Variants in UBE2E2 observed in about 807,000 individuals in gnomAD.
The protein encoded by UBE2E2 is ubiquitin-conjugating enzyme E2 E2.
UBE2E2 carries 6 observed loss-of-function variants against 24.7 expected under a neutral mutation model. The ratio of observed to expected loss-of-function variants is 0.24; its 90% CI spans 0.13 to 0.48. The LOEUF (loss-of-function observed/expected upper bound fraction) is 0.48. Among genes scored for constraint, UBE2E2 ranks in the 20% least tolerant of loss-of-function variants. The pLI is 0.99. For synonymous variants in UBE2E2, 104 were observed against 83.6 expected (o/e 1.24, Z -1.33); for missense variants, 169 against 245.0 (o/e 0.69, Z 2.07).
chr3:23,318,162 A>T (rs537909597), intron 3 of UBE2E2, among the ~76,000 whole-genome samples: 14 of 151,914 alleles, frequency 9.2e-5, no homozygotes, highest in Admixed American at 2.0e-4. Flanking sequence ...TTTTAAAAAA[A>T]TTTTTTTTAT....
At chr3:23,337,562 C>T (rs1362091693) in intron 3 of UBE2E2, among the ~76,000 whole-genome samples, 1 of 152,136 alleles carries the variant, frequency 6.6e-6, no homozygotes, top group Admixed American at 6.5e-5. Context: ...CTAACCCAGA[C>T]TGGGAGTTCA....
intron 5 of UBE2E2, among the ~76,000 whole-genome samples, chr3:23,574,720 C>G (rs1696307434): frequency 6.6e-6 from 1 of 152,112 alleles, no homozygotes; most frequent in Non-Finnish European, 1.5e-5. Flanking sequence ...ATGATGAGAC[C>G]TTGTCCCTAA....
chr3:23,578,263 T>A (rs985375259), intron 5 of UBE2E2, among the ~76,000 whole-genome samples: 2 of 152,146 alleles, frequency 1.3e-5, no homozygotes, highest in Admixed American at 1.3e-4. Context: ...ATGTCTATTA[T>A]TAACAAGTCA....
Position 23,585,352 on chromosome 3 carries a change from C to T in UBE2E2, c.509-4382C>T, listed in dbSNP as rs1048941567. Among the ~76,000 whole-genome samples, 8 of 121,122 alleles carry T rather than the reference C, an allele frequency of 6.6e-5. 1 individual carries two copies. The highest frequency in any genetic ancestry group is 2.0e-4 in the Admixed American group (2 of 9,868). 79.5% of individuals were successfully genotyped at this position (121,122 alleles called of 152,430 possible). ...CACCACTGCACTCCAGCCAGGGCAA[C>T]AGAGTGAGACCCTGTCTCAAAAAAA... On this transcript the variant is annotated intron_variant, in intron 5 of 5. Coordinates refer to ENST00000396703, the MANE Select transcript of UBE2E2 (RefSeq NM_152653.4).
At chr3:23,505,165 C>T (rs1329292171) in intron 4 of UBE2E2, among the ~76,000 whole-genome samples, 13 of 150,422 alleles carry the variant, frequency 8.6e-5, no homozygotes, top group East Asian at 3.9e-4. Flanking sequence ...AAGCAGTCTG[C>T]GCACTTTGGC....
At chr3:23,365,989 G>C (rs957100582) in intron 3 of UBE2E2, among the ~76,000 whole-genome samples, 3 of 152,092 alleles carry the variant, frequency 2.0e-5, no homozygotes, top group African/African-American at 7.2e-5. Flanking sequence ...CTTTGACAAA[G>C]TCGACAAAAA....
At chr3:23,301,187 A>G (rs1379871022) in intron 3 of UBE2E2, among the ~76,000 whole-genome samples, 2 of 151,874 alleles carry the variant, frequency 1.3e-5, no homozygotes, top group Admixed American at 6.6e-5. Flanking sequence ...CCATTCGTCT[A>G]ATTTTTTTTC....
chr3:23,445,518 C>G, intron 3 of UBE2E2, among the ~76,000 whole-genome samples: 1 of 152,196 alleles, frequency 6.6e-6, no homozygotes, highest in East Asian at 1.9e-4. Context: ...TCCGGTTGTT[C>G]TCATCTGCCA....
intron 3 of UBE2E2, among the ~76,000 whole-genome samples, chr3:23,282,012 CA>C (rs1698501128): frequency 6.6e-6 from 1 of 152,138 alleles, no homozygotes; most frequent in Non-Finnish European, 1.5e-5. Context: ...GTAAATTTTG[CA>C]AATGAAACTT....
At chr3:23,329,182 G>T (rs192756347) in intron 3 of UBE2E2, among the ~76,000 whole-genome samples, 2 of 152,236 alleles carry the variant, frequency 1.3e-5, no homozygotes, top group East Asian at 3.9e-4. Context: ...ATAGGAAACT[G>T]TAGTTATAGG....
chr3:23,367,578 C>G (rs759986592), intron 3 of UBE2E2, among the ~76,000 whole-genome samples: 8 of 152,220 alleles, frequency 5.3e-5, no homozygotes, highest in Admixed American at 1.3e-4. Context: ...CCCCCCATAC[C>G]TTGCCCTATG....
intron 3 of UBE2E2, among the ~76,000 whole-genome samples, chr3:23,490,220 T>C (rs950572794): frequency 2.0e-5 from 3 of 152,234 alleles, no homozygotes; most frequent in African/African-American, 7.2e-5. Flanking sequence ...CATAACCTAT[T>C]TCTAACAACC....
intron 3 of UBE2E2, among the ~76,000 whole-genome samples, chr3:23,446,339 T>C (rs1378945723): frequency 6.6e-6 from 1 of 152,218 alleles, no homozygotes; most frequent in Non-Finnish European, 1.5e-5. Context: ...CCATAACCCT[T>C]AATTTTTGTG....
intron 3 of UBE2E2, among the ~76,000 whole-genome samples, chr3:23,452,193 A>G (rs1202248292): frequency 1.3e-5 from 2 of 152,192 alleles, no homozygotes; most frequent in South Asian, 2.1e-4. Flanking sequence ...TGAATGTTCT[A>G]TATCCACTGG....
intron 4 of UBE2E2, among the ~76,000 whole-genome samples, chr3:23,524,168 T>C (rs1559411062): frequency 6.6e-6 from 1 of 152,208 alleles, no homozygotes; most frequent in Non-Finnish European, 1.5e-5. Flanking sequence ...AGGTGCTTAC[T>C]TTTAAACATC....
chr3:23,569,773 CA>C (rs748158445), intron 5 of UBE2E2, among the ~76,000 whole-genome samples: 79 of 152,270 alleles, frequency 5.2e-4, no homozygotes, highest in Non-Finnish European at 1.0e-3. Flanking sequence ...TTTTATATTT[CA>C]AAGTGTGCAT....
At chr3:23,231,727 G>C (rs1053833103) in intron 3 of UBE2E2, among the ~76,000 whole-genome samples, 7 of 152,150 alleles carry the variant, frequency 4.6e-5, no homozygotes, top group Non-Finnish European at 7.3e-5. Flanking sequence ...CTTCAAATTA[G>C]GGTTCTTGCA....
chr3:23,546,731 C>G, intron 5 of UBE2E2, among the ~76,000 whole-genome samples: 1 of 151,864 alleles, frequency 6.6e-6, no homozygotes, highest in South Asian at 2.1e-4. Context: ...CCTCAGCCTC[C>G]CAAATTGCTG....
intron 3 of UBE2E2, among the ~76,000 whole-genome samples, chr3:23,402,282 T>C (rs1212999999): frequency 6.6e-6 from 1 of 152,186 alleles, no homozygotes; most frequent in Non-Finnish European, 1.5e-5. Flanking sequence ...TGAAACAACT[T>C]CCACGTAATG....
Sources: gnomAD v4.1 joint callset for allele counts (sites outside exome capture counted in the v4.1 genomes callset) on GRCh38, gnomAD v4.1.1 for gene constraint, MANE v1.5 for transcripts, NCBI Gene and HGNC (gene_info 2026-07-23, HGNC 2026-07-21) for gene names.